The following NIPAL1 variants were observed in gnomAD, a reference collection of about 807,000 sequenced individuals.
The protein encoded by NIPAL1 is magnesium transporter NIPA3.
In NIPAL1, 35 loss-of-function variants were observed where a neutral mutation model predicts 37.7. The ratio of observed to expected loss-of-function variants is 0.93; its 90% CI spans 0.71 to 1.23. The LOEUF (loss-of-function observed/expected upper bound fraction) is 1.23. NIPAL1 is among the 50% of genes most tolerant of loss of function. NIPAL1 has a pLI of 0.00. For synonymous variants in NIPAL1, 162 were observed against 183.0 expected (o/e 0.89, Z 0.93); for missense variants, 412 against 473.9 (o/e 0.87, Z 1.21).
chr4:48,034,168 C>T (rs1715875408), intron 4 of NIPAL1, among the ~76,000 whole-genome samples: 1 of 152,186 alleles, frequency 6.6e-6, no homozygotes, highest in Admixed American at 6.5e-5. Context: ...AGAGCAGTAA[C>T]AGGTGGTAAG....
intron 3 of NIPAL1, among the ~76,000 whole-genome samples, chr4:48,032,262 G>A (rs1034350760): frequency 7.2e-5 from 11 of 152,180 alleles, no homozygotes; most frequent in Non-Finnish European, 1.5e-4. Flanking sequence ...ACTACATTCT[G>A]TGGGCAAGTT....
At chr4:48,019,095 A>G (rs1345689584) in intron 1 of NIPAL1, among the ~76,000 whole-genome samples, 1 of 152,168 alleles carries the variant, frequency 6.6e-6, no homozygotes, top group African/African-American at 2.4e-5. Context: ...ATTTCAGCTC[A>G]CTGCAACTTC....
Position 48,027,479 on chromosome 4 carries a change from T to C in NIPAL1, c.313+2145T>C, listed in dbSNP as rs1486805319. On this transcript the variant is annotated intron_variant, in intron 2 of 5. Transcript: ENST00000295461. The surrounding 1 kb of genome is among the most constrained non-coding windows in gnomAD (Gnocchi z 4.1). Reference sequence around the variant, plus strand: ...ATATTGTTTCACTAGTACCCAAAGATACCAACTAGACAATAGTCAGGTCCA... The same window carrying C: ...ATATTGTTTCACTAGTACCCAAAGACACCAACTAGACAATAGTCAGGTCCA... Among the ~76,000 whole-genome samples, 1 of 152,230 alleles carries C rather than the reference T, an allele frequency of 6.6e-6. No individual in the cohort carries two copies. Among genetic ancestry groups the C allele is most frequent in the Non-Finnish European group, 1.5e-5 (1 of 68,032 alleles).
In NIPAL1 at chr4:48,036,381, C is replaced by A; in HGVS notation, c.*209C>A. The stretch of plus-strand genomic sequence containing the variant: ...CAGAATCTCTACAAACTTTGAAATA[C>A]TCTCTAAGGATCAAAGAAGTCAAAG... On this transcript the variant is annotated 3_prime_UTR_variant, in exon 6 of 6. Transcript: ENST00000295461. 1 of 517,920 alleles carries A rather than the reference C, an allele frequency of 1.9e-6. No individual in the cohort carries two copies. The highest frequency in any genetic ancestry group is 2.5e-5 in the South Asian group (1 of 39,410). 32.1% of individuals were successfully genotyped at this position (517,920 alleles called of 1,614,324 possible).
In NIPAL1 at chr4:48,030,122, C is replaced by A; in HGVS notation, c.316C>A (p.Gln106Lys). ...LASKGFTRAG[Q>K]GGHSYLKEWL... is the part of the protein sequence containing the mutation. ...AATTTTTACTTTTTGTATTTTAGGA[C>A]AAGGTGGACATTCTTACCTGAAGGA... The change falls in exon 3 of 6, where the codon CAA becomes AAA. Residue 106 changes from glutamine (Q) to lysine (K), a missense_variant and splice_region_variant. By Grantham distance (53) the Gln-to-Lys change is moderately conservative. Transcript: ENST00000295461. 1 of 1,598,352 alleles carries A rather than the reference C, an allele frequency of 6.3e-7. No individual in the cohort carries two copies. Among genetic ancestry groups the A allele is most frequent in the Non-Finnish European group, 8.6e-7 (1 of 1,166,264 alleles).
chr4:48,021,956 A>C (rs764490905), intron 1 of NIPAL1, among the ~76,000 whole-genome samples: 1 of 152,070 alleles, frequency 6.6e-6, no homozygotes, highest in Non-Finnish European at 1.5e-5. Flanking sequence ...GAAAAATAAC[A>C]TCAAAGAAGA....
At chr4:48,021,556 G>A (rs321621) in intron 1 of NIPAL1, among the ~76,000 whole-genome samples, 124,297 of 152,108 alleles carry the variant, frequency 0.82, 51,431 homozygotes, top group Non-Finnish European at 0.89. Context: ...TACTGTTTGT[G>A]GGACCTGTAA....
At chr4:48,032,762 A>G (rs1208832474) in intron 3 of NIPAL1, among the ~76,000 whole-genome samples, 5 of 152,246 alleles carry the variant, frequency 3.3e-5, no homozygotes, top group African/African-American at 1.2e-4. Flanking sequence ...ATGAGTACTC[A>G]TCTGTCACCA....
chr4:48,039,110 G>T lies in NIPAL1; in HGVS notation c.*2938G>T, dbSNP rs941307006. The T allele has an allele frequency of 6.6e-6, 1 of 152,100 alleles. No individual in the cohort carries two copies. The highest frequency in any genetic ancestry group is 1.5e-5 in the Non-Finnish European group (1 of 68,016). 9.4% of individuals were successfully genotyped at this position (152,100 alleles called of 1,614,324 possible). The stretch of plus-strand genomic sequence containing the variant: ...ACCTGTAATCCCAGCACTTTGGGAG[G>T]CTGAGGCGGGTAGATCACAAGGACA... On this transcript the variant is annotated 3_prime_UTR_variant, in exon 6 of 6. Coordinates refer to ENST00000295461, the MANE Select transcript of NIPAL1 (RefSeq NM_207330.3).
At chr4:48,030,293 C>A in intron 3 of NIPAL1, 117 bp downstream of exon 3, 2 of 642,738 alleles carry the variant, frequency 3.1e-6, no homozygotes, top group South Asian at 1.8e-5. Flanking sequence ...GAATTTAAGT[C>A]TAAACATTTT....
intron 1 of NIPAL1, among the ~76,000 whole-genome samples, chr4:48,022,592 A>G (rs750868033): frequency 1.3e-5 from 2 of 152,236 alleles, no homozygotes; most frequent in Non-Finnish European, 2.9e-5. Context: ...TGGTTATGTT[A>G]ACTGCATAGT....
At chr4:48,024,606 T>C (rs1313704046) in intron 1 of NIPAL1, among the ~76,000 whole-genome samples, 1 of 152,178 alleles carries the variant, frequency 6.6e-6, no homozygotes. Context: ...ATGTGATTTC[T>C]AGACTGAGGT....
chr4:48,026,454 CAT>C (rs1237239225), intron 2 of NIPAL1, among the ~76,000 whole-genome samples: 1 of 152,106 alleles, frequency 6.6e-6, no homozygotes, highest in Non-Finnish European at 1.5e-5. Flanking sequence ...GAAAAGAAAA[CAT>C]ATGCTGTATT....
Position 48,035,602 on chromosome 4 carries a change from G to T in NIPAL1, c.663G>T (p.Leu221Phe), listed in dbSNP as rs779230140. Residue 221 changes from leucine to phenylalanine, a missense_variant, in exon 6 of 6, where the codon TTG becomes TTT. Physicochemically the swap from Leu to Phe is conservative, Grantham distance 22 (BLOSUM62 0). Transcript: ENST00000295461. Reference sequence around the variant, plus strand: ...CTGTGATCATAACTGTGATCTCCTTGGTGCTGATTTTGATTGTGGCTCCCA... The same window carrying T: ...CTGTGATCATAACTGTGATCTCCTTTGTGCTGATTTTGATTGTGGCTCCCA... ...SFAVIITVIS[L>F]VLILIVAPKK... 1 of 1,613,048 alleles carries T rather than the reference G, an allele frequency of 6.2e-7. No homozygotes were observed. Among genetic ancestry groups the T allele is most frequent in the Admixed American group, 1.7e-5 (1 of 59,780 alleles).
chr4:48,032,871 C>T, intron 3 of NIPAL1, 122 bp from the exon 4 acceptor site: 1 of 604,402 alleles, frequency 1.7e-6, no homozygotes, highest in Non-Finnish European at 3.0e-6. Flanking sequence ...TTACATCATT[C>T]TTTTTAGCTA....
intron 1 of NIPAL1, among the ~76,000 whole-genome samples, chr4:48,023,264 A>T (rs1238740139): frequency 1.3e-5 from 2 of 152,140 alleles, no homozygotes; most frequent in African/African-American, 4.8e-5. Flanking sequence ...AGATAAATGA[A>T]ATAATAGTCA....
chr4:48,019,869 G>A (rs1715533879), intron 1 of NIPAL1, among the ~76,000 whole-genome samples: 1 of 152,138 alleles, frequency 6.6e-6, no homozygotes, highest in African/African-American at 2.4e-5. Flanking sequence ...CTCCCTTTCT[G>A]TCACCCCAGG....
chr4:48,031,074 G>T (rs1370505670), intron 3 of NIPAL1, among the ~76,000 whole-genome samples: 2 of 151,280 alleles, frequency 1.3e-5, no homozygotes, highest in Non-Finnish European at 3.0e-5. Context: ...TTTTTGTTTT[G>T]TTTTTTTTGA....
At position 48,038,726 on chromosome 4, in the gene NIPAL1, C is replaced by T. The variant is rs1163394151; in HGVS notation, c.*2554C>T. 1 of 152,096 alleles carries T rather than the reference C, an allele frequency of 6.6e-6. No homozygotes were observed. Among genetic ancestry groups the T allele is most frequent in the Non-Finnish European group, 1.5e-5 (1 of 68,002 alleles). 9.4% of individuals were successfully genotyped at this position (152,096 alleles called of 1,614,324 possible). A position where few individuals can be genotyped will look rare whatever the true frequency, so the allele number is the denominator to read the frequency against. ...GACACCTTGGTGAGGAAATTAATGG[C>T]ACTTTTCTTGACATCCAACCTGGGA... On this transcript the variant is annotated 3_prime_UTR_variant, in exon 6 of 6. Transcript: ENST00000295461.
Sources: gnomAD v4.1 joint callset for allele counts (sites outside exome capture counted in the v4.1 genomes callset) on GRCh38, gnomAD v4.1.1 for gene constraint, Gnocchi (gnomAD v3.1) non-coding constraint, MANE v1.5 for transcripts, NCBI Gene and HGNC (gene_info 2026-07-23, HGNC 2026-07-21) for gene names.